Variants in NPAS3 observed in about 807,000 individuals in gnomAD.
NPAS3 encodes the protein neuronal PAS domain-containing protein 3.
Under a neutral mutation model 73.1 loss-of-function variants are expected in NPAS3, and 14 were observed. The observed-to-expected ratio is 0.19, with a 90% CI of 0.13 to 0.30. The LOEUF is 0.30. Among genes scored for constraint, NPAS3 ranks in the 10% least tolerant of loss-of-function variants. The probability of loss-of-function intolerance (pLI) is 1.00; values close to 1 mark genes in which losing one functional copy is unlikely to be tolerated. For missense variants in NPAS3, 1,096 were observed against 1,250.0 expected (o/e 0.88, Z 1.86); for synonymous variants, 620 against 541.5 (o/e 1.14, Z -2.01).
chr14:33,152,140 T>G (rs1423067176), intron 2 of NPAS3, among the ~76,000 whole-genome samples: 1 of 152,074 alleles, frequency 6.6e-6, no homozygotes, highest in Non-Finnish European at 1.5e-5. Context: ...GAGATGCTGC[T>G]AAACATCCTA....
At chr14:33,790,230 A>C (rs1218506240) in intron 9 of NPAS3, among the ~76,000 whole-genome samples, 3 of 152,248 alleles carry the variant, frequency 2.0e-5, no homozygotes. Flanking sequence ...TTTCATATCA[A>C]GTAACTCACG....
chr14:33,000,648 T>A (rs1055516059), intron 1 of NPAS3, among the ~76,000 whole-genome samples: 2 of 152,142 alleles, frequency 1.3e-5, no homozygotes, highest in Non-Finnish European at 2.9e-5. Context: ...GAGTTTATAA[T>A]CTAATGGAAC....
At chr14:33,667,251 T>C (rs2059478614) in intron 5 of NPAS3, among the ~76,000 whole-genome samples, 1 of 152,144 alleles carries the variant, frequency 6.6e-6, no homozygotes, top group Non-Finnish European at 1.5e-5. Flanking sequence ...GTGCCTTCCA[T>C]ATGGGGCAGC....
chr14:33,495,494 T>C (rs2052133119), intron 4 of NPAS3, among the ~76,000 whole-genome samples: 1 of 152,106 alleles, frequency 6.6e-6, no homozygotes, highest in South Asian at 2.1e-4. Flanking sequence ...TAGATCCTCT[T>C]GGTCCAGAGC....
chr14:33,056,022 T>C (rs1191027673), intron 2 of NPAS3, 28 bp downstream of exon 2: 3 of 802,126 alleles, frequency 3.7e-6, no homozygotes, highest in Admixed American at 4.0e-5. Context: ...TGAGTCTTCC[T>C]TCTGGCTCGT....
At chr14:33,454,593 A>G (rs1424385524) in intron 4 of NPAS3, among the ~76,000 whole-genome samples, 1 of 152,226 alleles carries the variant, frequency 6.6e-6, no homozygotes, top group East Asian at 1.9e-4. Context: ...CTAAGCATAT[A>G]TGACAGATCA....
intron 1 of NPAS3, among the ~76,000 whole-genome samples, chr14:33,031,602 TC>T (rs891522451): frequency 3.9e-5 from 6 of 152,316 alleles, no homozygotes; most frequent in African/African-American, 1.4e-4. Context: ...AAGTGATCAT[TC>T]CACTTCAGCC....
At chr14:33,749,481 T>C (rs1331318403) in intron 7 of NPAS3, among the ~76,000 whole-genome samples, 1 of 152,166 alleles carries the variant, frequency 6.6e-6, no homozygotes, top group African/African-American at 2.4e-5. Context: ...AATATTATAA[T>C]TGTCAAACTC....
chr14:33,047,806 C>A (rs564923773), intron 1 of NPAS3, among the ~76,000 whole-genome samples: 1 of 152,286 alleles, frequency 6.6e-6, no homozygotes, highest in African/African-American at 2.4e-5. Context: ...TGGTTGCAAT[C>A]TGCATGCCTC....
intron 2 of NPAS3, among the ~76,000 whole-genome samples, chr14:33,078,265 A>T (rs1028488915): frequency 2.0e-5 from 3 of 152,192 alleles, no homozygotes; most frequent in African/African-American, 7.2e-5. Flanking sequence ...TGTTTCACAG[A>T]CCCAATGATA....
intron 1 of NPAS3, among the ~76,000 whole-genome samples, chr14:33,045,912 T>A (rs973784518): frequency 6.6e-6 from 1 of 152,152 alleles, no homozygotes; most frequent in Non-Finnish European, 1.5e-5. Context: ...ATATAGAGGA[T>A]CTGGACCATA....
At chr14:32,940,387 C>G (rs1284237329) in intron 1 of NPAS3, among the ~76,000 whole-genome samples, 1 of 152,214 alleles carries the variant, frequency 6.6e-6, no homozygotes, top group East Asian at 1.9e-4. Context: ...CGTGGTTTTC[C>G]CTCCTGCTGT....
At chr14:33,263,976 T>C (rs1280551497) in intron 3 of NPAS3, among the ~76,000 whole-genome samples, 5 of 152,204 alleles carry the variant, frequency 3.3e-5, no homozygotes, top group African/African-American at 1.2e-4. Flanking sequence ...TGCACACATA[T>C]GTTTATTGCG....
In NPAS3 at chr14:33,553,501, T is replaced by G. The variant is rs184468151; in HGVS notation, c.469-6620T>G. On this transcript the variant is annotated intron_variant, in intron 4 of 11. Transcript: ENST00000356141. ...TTTGAGGCATCACAGTTTGCTGTTC[T>G]GGATTTATTTTTTAGCAGAAAAATA... Among the ~76,000 whole-genome samples, 285 of 152,338 alleles carry G rather than the reference T, an allele frequency of 1.9e-3. 1 individual carries two copies. Among genetic ancestry groups the G allele is most frequent in the African/African-American group, 6.6e-3 (275 of 41,568 alleles).
chr14:33,189,924 A>G (rs17100343), intron 2 of NPAS3, among the ~76,000 whole-genome samples: 3,872 of 152,268 alleles, frequency 0.025, 154 homozygotes, highest in African/African-American at 0.088. Context: ...TCATTGTCAA[A>G]TAGCCAAACC....
At chr14:32,978,295 C>A (rs1305653364) in intron 1 of NPAS3, among the ~76,000 whole-genome samples, 2 of 152,076 alleles carry the variant, frequency 1.3e-5, no homozygotes, top group African/African-American at 4.8e-5. Context: ...GGGGACAGAC[C>A]TCTTTGGGGA....
At chr14:33,773,701 A>G (rs1483356343) in intron 7 of NPAS3, among the ~76,000 whole-genome samples, 1 of 152,178 alleles carries the variant, frequency 6.6e-6, no homozygotes, top group Non-Finnish European at 1.5e-5. Context: ...CTACTTTAGT[A>G]TGAGCTCCAG....
At chr14:33,436,269 T>G (rs138779290) in intron 4 of NPAS3, among the ~76,000 whole-genome samples, 1 of 152,172 alleles carries the variant, frequency 6.6e-6, no homozygotes, top group Non-Finnish European at 1.5e-5. Flanking sequence ...TATCTCTAAG[T>G]AAGACAAATT....
chr14:32,971,088 C>CTTT (rs61429455), intron 1 of NPAS3, among the ~76,000 whole-genome samples: 3 of 142,188 alleles, frequency 2.1e-5, no homozygotes, highest in Admixed American at 7.0e-5. Flanking sequence ...TTTCTTTTTT[C>CTTT]TTTTTTTTTT....
Sources: allele counts gnomAD v4.1 joint callset (sites outside exome capture counted in the v4.1 genomes callset), GRCh38; gene constraint gnomAD v4.1.1; transcripts MANE v1.5; gene names NCBI Gene and HGNC (gene_info 2026-07-23, HGNC 2026-07-21).